RPL35A: variants seen among roughly 807,000 people sequenced by gnomAD.
RPL35A encodes the protein ribosomal protein L35a.
Under a neutral mutation model 16.7 loss-of-function variants are expected in RPL35A, and 1 was observed. The ratio of observed to expected loss-of-function variants is 0.06; its 90% CI spans 0.02 to 0.28. The LOEUF is 0.28. RPL35A is among the 10% of genes least tolerant of loss of function. The pLI is 1.00. For synonymous variants in RPL35A, 58 were observed against 47.0 expected (o/e 1.23, Z -0.96); for missense variants, 91 against 138.7 (o/e 0.66, Z 1.73).
intron 2 of RPL35A, 78 bp downstream of exon 2, chr3:197,951,056 AAACTT>A (rs1720029988): frequency 5.6e-6 from 9 of 1,605,394 alleles, no homozygotes; most frequent in Non-Finnish European, 7.7e-6. Flanking sequence ...TGGCAAGAAA[AAACTT>A]AGATGTTTGC....
chr3:197,950,671 C>G (rs1002245117), intron 1 of RPL35A: 1 of 520,718 alleles, frequency 1.9e-6, no homozygotes, highest in Non-Finnish European at 3.4e-6. Context: ...TGCATTTTCT[C>G]AGGCTTTTCT....
chr3:197,950,781 C>T, intron 1 of RPL35A, 155 bp from the exon 2 acceptor site: 1 of 661,476 alleles, frequency 1.5e-6, no homozygotes, highest in Non-Finnish European at 2.6e-6. Flanking sequence ...TTGCCGGACC[C>T]TGCGTTTCAT....
Position 197,955,851 on chromosome 3 carries a change from A to G in RPL35A, c.*78A>G. 1 of 1,193,042 alleles carries G rather than the reference A, an allele frequency of 8.4e-7. No individual in the cohort carries two copies. The highest frequency in any genetic ancestry group is 1.2e-5 in the South Asian group (1 of 82,384). The allele number at this position is 1,193,042 out of a possible 1,614,324, so 73.9% of individuals were successfully genotyped here. A position where few individuals can be genotyped will look rare whatever the true frequency, so the allele number is the denominator to read the frequency against. On this transcript the variant is annotated 3_prime_UTR_variant, in exon 5 of 5. Coordinates refer to ENST00000647248, the MANE Select transcript of RPL35A (RefSeq NM_000996.4). The stretch of plus-strand genomic sequence containing the variant: ...TGGATTAAAAAACTTACTACCTTAA[A>G]TTGATTTGCTACATGCTTAAAATGA...
At chr3:197,952,652 A>AC in intron 3 of RPL35A, 1 of 151,438 alleles carries the variant, frequency 6.6e-6, no homozygotes, top group Non-Finnish European at 1.5e-5. Context: ...GTGCCACCAC[A>AC]CCCAGCTAAT....
At chr3:197,950,555 CTCTT>C in intron 1 of RPL35A, 1 of 328,280 alleles carries the variant, frequency 3.0e-6, no homozygotes. Context: ...TCTGACCAGT[CTCTT>C]TCCTCAGCTT....
intron 4 of RPL35A, chr3:197,954,419 G>A: frequency 4.2e-6 from 2 of 474,172 alleles, no homozygotes; most frequent in South Asian, 2.1e-5. Context: ...TTGCAGCCTC[G>A]ACCTCCTGGG....
rs537150817 is a variant in RPL35A at position 197,951,376 on chromosome 3, C to T, written c.164+65C>T. Reference sequence around the variant, plus strand: ...CTGCCTCATTTTCTTTTTTATATAACGGAGTCTTGCTCTGTTGCCGAGGCT... The same window carrying T: ...CTGCCTCATTTTCTTTTTTATATAATGGAGTCTTGCTCTGTTGCCGAGGCT... On this transcript the variant is annotated intron_variant, in intron 3 of 4. Transcript: ENST00000647248. The T allele has an allele frequency of 7.1e-6, 11 of 1,546,254 alleles. No homozygotes were observed. In the East Asian group the frequency reaches 1.1e-4, roughly 16 times the overall value.
intron 2 of RPL35A, 74 bp downstream of exon 2, chr3:197,951,052 G>C: frequency 6.2e-7 from 1 of 1,605,536 alleles, no homozygotes; most frequent in East Asian, 2.2e-5. Context: ...AAATTGGCAA[G>C]AAAAAACTTA....
In RPL35A at chr3:197,954,653, G is replaced by A. The variant is rs552339127; in HGVS notation, c.309+506G>A. 3.9e-5 allele frequency among the ~76,000 whole-genome samples: 6 copies of A among 152,234 alleles called. No individual in the cohort carries two copies. In the South Asian group the frequency reaches 1.2e-3, roughly 32 times the overall value. Reference sequence around the variant, plus strand: ...GCCTCCCGAGTAGCTGGAATTACAGGCGTATATACCACCATGCCCAGATAA... The same window carrying A: ...GCCTCCCGAGTAGCTGGAATTACAGACGTATATACCACCATGCCCAGATAA... On this transcript the variant is annotated intron_variant, in intron 4 of 4. Transcript: ENST00000647248.
At chr3:197,950,881 G>A in intron 1 of RPL35A, 55 bp from the exon 2 acceptor site, 1 of 1,555,958 alleles carries the variant, frequency 6.4e-7, no homozygotes, top group Non-Finnish European at 8.9e-7. Context: ...GAGAGGGGAC[G>A]AGGTGGGAAA....
chr3:197,950,270 G>C (rs1403691636), intron 1 of RPL35A, 49 bp downstream of exon 1: 1 of 1,230,552 alleles, frequency 8.1e-7, no homozygotes, highest in African/African-American at 1.6e-5. Flanking sequence ...AACCGGAGTA[G>C]GTTTGTTCCT....
intron 4 of RPL35A, among the ~76,000 whole-genome samples, chr3:197,955,065 G>A (rs1720421425): frequency 6.6e-6 from 1 of 151,972 alleles, no homozygotes; most frequent in Non-Finnish European, 1.5e-5. Flanking sequence ...TTCTCAAATA[G>A]TTCGTACTTT....
chr3:197,953,149 G>A (rs1218153028), intron 3 of RPL35A, among the ~76,000 whole-genome samples: 3 of 152,158 alleles, frequency 2.0e-5, no homozygotes, highest in Admixed American at 1.3e-4. Flanking sequence ...CCCACTCCAA[G>A]CCAATTAAAA....
In RPL35A at chr3:197,950,234, T is replaced by C. The variant is rs1051080204; in HGVS notation, c.-33+13T>C. ...GGCTCCTGTGGAGGTGAGTGAAGGG[T>C]CTGCTGCTGAAATTTGGGGGCAAAT... On this transcript the variant is annotated intron_variant, in intron 1 of 4. Transcript: ENST00000647248. 8.1e-7 allele frequency: 1 copy of C among 1,230,884 alleles called. No individual in the cohort carries two copies. Among genetic ancestry groups the C allele is most frequent in the African/African-American group, 1.6e-5 (1 of 64,394 alleles). 76.2% of individuals were successfully genotyped at this position (1,230,884 alleles called of 1,614,324 possible).
chr3:197,953,705 T>A (rs1431353650), intron 3 of RPL35A: 1 of 460,942 alleles, frequency 2.2e-6, no homozygotes, highest in African/African-American at 2.0e-5. Context: ...ACACTTGTCC[T>A]TTTTTGCTAT....
intron 2 of RPL35A, 72 bp from the exon 3 acceptor site, chr3:197,951,087 G>A: frequency 6.2e-7 from 1 of 1,607,426 alleles, no homozygotes; most frequent in South Asian, 1.1e-5. Flanking sequence ...GTAACTTTTG[G>A]GTGGGGGTGA....
In RPL35A at chr3:197,954,079, A is replaced by G. The variant is rs1560123289; in HGVS notation, c.241A>G (p.Ser81Gly). Residue 81 changes from serine (S) to glycine (G), a missense_variant, in exon 4 of 5, where the codon AGT becomes GGT. Physicochemically the swap from Ser to Gly is moderately conservative, Grantham distance 56. Transcript: ENST00000647248. ...AAAAGTAACTCGGGCCCATGGAAAC[A>G]GTGGCATGGTTCGTGCCAAATTCCG... ...WGKVTRAHGN[S>G]GMVRAKFRSN... The G allele has an allele frequency of 1.2e-6, 2 of 1,614,060 alleles. No individual in the cohort carries two copies. The highest frequency in any genetic ancestry group is 1.3e-5 in the African/African-American group (1 of 74,936).
chr3:197,955,123 A>G (rs1720426227), intron 4 of RPL35A, among the ~76,000 whole-genome samples: 1 of 152,144 alleles, frequency 6.6e-6, no homozygotes. Context: ...CTTGGGACCA[A>G]GAATATATGC....
In RPL35A at chr3:197,950,823, C is replaced by G; in HGVS notation, c.-32-113C>G. ...GTTCTGGCATTGTTGTCCCCGAACTCCTACATGAAACTCCCATCCAAAAGG... is the reference window on the plus strand; with the variant it reads ...GTTCTGGCATTGTTGTCCCCGAACTGCTACATGAAACTCCCATCCAAAAGG... On this transcript the variant is annotated intron_variant, in intron 1 of 4. Coordinates refer to ENST00000647248, the MANE Select transcript of RPL35A (RefSeq NM_000996.4). 1.9e-5 allele frequency: 17 copies of G among 890,764 alleles called. No individual in the cohort carries two copies. The South Asian group carries it at 2.3e-4, about 12-fold the overall frequency. 55.2% of individuals were successfully genotyped at this position (890,764 alleles called of 1,614,324 possible). A position where few individuals can be genotyped will look rare whatever the true frequency, so the allele number is the denominator to read the frequency against.
Sources: allele counts gnomAD v4.1 joint callset (sites outside exome capture counted in the v4.1 genomes callset), GRCh38; gene constraint gnomAD v4.1.1; transcripts MANE v1.5; gene names NCBI Gene and HGNC (gene_info 2026-07-23, HGNC 2026-07-21).